The following PDCD1LG2 variants were observed in gnomAD, a reference collection of about 807,000 sequenced individuals.
PDCD1LG2 encodes the protein B7 dendritic cell molecule.
Under a neutral mutation model 28.2 loss-of-function variants are expected in PDCD1LG2, and 32 were observed. The observed-to-expected ratio is 1.13, with a 90% CI of 0.86 to 1.52. The LOEUF (loss-of-function observed/expected upper bound fraction) is 1.52. PDCD1LG2 is among the 40% of genes most tolerant of loss of function. PDCD1LG2 has a pLI of 0.00. For synonymous variants in PDCD1LG2, 116 were observed against 120.2 expected, an observed-to-expected ratio of 0.97 and a Z score of 0.23; for missense variants, 385 against 323.8, an observed-to-expected ratio of 1.19 and a Z score of -1.45.
intron 4 of PDCD1LG2, among the ~76,000 whole-genome samples, chr9:5,554,270 T>C (rs1430491333): frequency 6.6e-6 from 1 of 152,218 alleles, no homozygotes; most frequent in Admixed American, 6.5e-5. Context: ...CCATCTTAGA[T>C]AATCGCAGTC....
At chr9:5,516,493 G>C (rs1820166807) in intron 1 of PDCD1LG2, among the ~76,000 whole-genome samples, 1 of 152,208 alleles carries the variant, frequency 6.6e-6, no homozygotes. Context: ...TGGCTCCCAG[G>C]CTTTGGGCCA....
At position 5,540,082 on chromosome 9, in the gene PDCD1LG2, C is replaced by T. The variant is rs531829841; in HGVS notation, c.361+5032C>T. On this transcript the variant is annotated intron_variant, in intron 3 of 6. Transcript: ENST00000397747. ...GTGGAGTAAAACTGGAAATAAACTC[C>T]AAAAGGAACCTTCAAAACCATGCAA... Among the ~76,000 whole-genome samples the T allele has an allele frequency of 2.6e-5, 4 of 152,174 alleles. No homozygotes were observed. The Middle Eastern group carries it at 0.014, about 518-fold the overall frequency.
rs151012503 is a variant in PDCD1LG2 at position 5,521,685 on chromosome 9, T to C, written c.-14-848T>C. Among the ~76,000 whole-genome samples the C allele has an allele frequency of 2.0e-4, 31 of 152,282 alleles. No individual in the cohort carries two copies. In the East Asian group the frequency reaches 5.8e-3, roughly 28 times the overall value. ...TCTATCATTCTCCTGACCCAAACCC[T>C]CCACTGCTTTTCATCACACTCAGAG... On this transcript the variant is annotated intron_variant, in intron 1 of 6. Coordinates refer to ENST00000397747, the MANE Select transcript of PDCD1LG2 (RefSeq NM_025239.4).
At chr9:5,513,410 A>G (rs183013341) in intron 1 of PDCD1LG2, among the ~76,000 whole-genome samples, 1 of 152,184 alleles carries the variant, frequency 6.6e-6, no homozygotes, top group East Asian at 1.9e-4. Flanking sequence ...CAATTTTATC[A>G]CTTGTTTTAC....
chr9:5,558,234 G>C (rs1816486124), intron 5 of PDCD1LG2, among the ~76,000 whole-genome samples: 5 of 152,176 alleles, frequency 3.3e-5, no homozygotes, highest in Non-Finnish European at 1.5e-5. Flanking sequence ...GGTTTGTGAG[G>C]CCATTTGGGG....
rs1245093645 is a variant in PDCD1LG2, at chr9:5,550,578, T to C, written c.631+974T>C. On this transcript the variant is annotated intron_variant, in intron 4 of 6. Transcript: ENST00000397747. ...GCCCTAAGGGAAGATTCCACTTTCC[T>C]GTCTTTTCCAGCTGCTAGAGGCCAC... Among the ~76,000 whole-genome samples the C allele has an allele frequency of 3.3e-5, 5 of 152,194 alleles. No individual in the cohort carries two copies. The East Asian group carries it at 9.6e-4, about 29-fold the overall frequency.
At chr9:5,533,754 CA>C (rs1820527070) in intron 2 of PDCD1LG2, among the ~76,000 whole-genome samples, 1 of 151,852 alleles carries the variant, frequency 6.6e-6, no homozygotes, top group Admixed American at 6.6e-5. Context: ...TGTAGTCAAA[CA>C]TCTGACTGGC....
chr9:5,519,375 G>A (rs1047702010), intron 1 of PDCD1LG2, among the ~76,000 whole-genome samples: 4 of 152,138 alleles, frequency 2.6e-5, no homozygotes, highest in Admixed American at 6.5e-5. Flanking sequence ...TCTCTTAGAG[G>A]TTAGAATTGG....
At position 5,569,878 on chromosome 9, in the gene PDCD1LG2, ACT is replaced by A; in HGVS notation, c.817-74_817-73del. 3 of 1,448,478 alleles carry A rather than the reference ACT, an allele frequency of 2.1e-6. No homozygotes were observed. The highest frequency in any genetic ancestry group is 2.9e-6 in the Non-Finnish European group (3 of 1,038,178). The allele number at this position is 1,448,478 out of a possible 1,614,324, so 89.7% of individuals were successfully genotyped here. A position where few individuals can be genotyped will look rare whatever the true frequency, so the allele number is the denominator to read the frequency against. Reference sequence around the variant, plus strand: ...ACTTTTTTAAAAAAATTAGTTCCTCACTCAAATTTTGGGGAGGTTATATATTT... The same window carrying A: ...ACTTTTTTAAAAAAATTAGTTCCTCACAAATTTTGGGGAGGTTATATATTT... On this transcript the variant is annotated intron_variant, in intron 6 of 6. Transcript: ENST00000397747. The surrounding 1 kb of genome is among the most constrained non-coding windows in gnomAD (Gnocchi z 4.1).
chr9:5,536,892 G>T (rs1271256447), intron 3 of PDCD1LG2, among the ~76,000 whole-genome samples: 1 of 152,194 alleles, frequency 6.6e-6, no homozygotes. Context: ...GCCAGGCAAG[G>T]CTCTTGGGGT....
At chr9:5,528,180 T>A (rs1180146710) in intron 2 of PDCD1LG2, among the ~76,000 whole-genome samples, 1 of 150,038 alleles carries the variant, frequency 6.7e-6, no homozygotes, top group East Asian at 1.9e-4. Flanking sequence ...TAACTTGCAT[T>A]TTCCTAATGA....
chr9:5,541,401 G>A (rs1469509391), intron 3 of PDCD1LG2, among the ~76,000 whole-genome samples: 1 of 152,178 alleles, frequency 6.6e-6, no homozygotes, highest in East Asian at 1.9e-4. Context: ...AATTGGTAAA[G>A]AGGAAGTCAA....
intron 3 of PDCD1LG2, among the ~76,000 whole-genome samples, chr9:5,539,929 C>T (rs12682969): frequency 0.15 from 23,280 of 152,108 alleles, 2,342 homozygotes; most frequent in African/African-American, 0.27. Context: ...ACCCAACAAT[C>T]GCAGAATATA....
chr9:5,566,572 C>T (rs939955619), intron 6 of PDCD1LG2, among the ~76,000 whole-genome samples: 2 of 152,174 alleles, frequency 1.3e-5, no homozygotes, highest in Non-Finnish European at 2.9e-5. Context: ...GTAGTAATTG[C>T]TCCATCAGTC....
chr9:5,552,517 G>C (rs981733331), intron 4 of PDCD1LG2, among the ~76,000 whole-genome samples: 1 of 152,198 alleles, frequency 6.6e-6, no homozygotes, highest in Admixed American at 6.5e-5. Flanking sequence ...TACAGACGTA[G>C]AACATGCTTG....
At chr9:5,516,105 G>C (rs1042096088) in intron 1 of PDCD1LG2, among the ~76,000 whole-genome samples, 1 of 151,938 alleles carries the variant, frequency 6.6e-6, no homozygotes, top group African/African-American at 2.4e-5. Flanking sequence ...GGGCTGGAGT[G>C]CAGTGGCGCA....
chr9:5,568,046 A>T (rs1296981425), intron 6 of PDCD1LG2, among the ~76,000 whole-genome samples: 2 of 151,866 alleles, frequency 1.3e-5, no homozygotes, highest in Non-Finnish European at 2.9e-5. Flanking sequence ...CCCCTTTCCC[A>T]TTTCAGTGGT....
intron 3 of PDCD1LG2, among the ~76,000 whole-genome samples, chr9:5,543,511 C>A (rs1820730179): frequency 6.8e-6 from 1 of 148,068 alleles, no homozygotes; most frequent in South Asian, 2.1e-4. Context: ...TGCACTCCAG[C>A]CTGGGCGACA....
chr9:5,524,840 A>G (rs1244282378), intron 2 of PDCD1LG2, among the ~76,000 whole-genome samples: 1 of 152,224 alleles, frequency 6.6e-6, no homozygotes, highest in Non-Finnish European at 1.5e-5. Flanking sequence ...TCATATAAAA[A>G]TATGAAAGTA....
Sources: allele counts gnomAD v4.1 joint callset (sites outside exome capture counted in the v4.1 genomes callset), GRCh38; gene constraint gnomAD v4.1.1; non-coding constraint Gnocchi (gnomAD v3.1); transcripts MANE v1.5; gene names NCBI Gene and HGNC (gene_info 2026-07-23, HGNC 2026-07-21).